Variants in BMAL2 observed in about 807,000 individuals in gnomAD.
BMAL2 encodes basic helix-loop-helix ARNT-like protein 2.
chr12:27,411,322 TAACAC>T, the BMAL2 span, among the ~76,000 whole-genome samples: 4 of 151,668 alleles, frequency 2.6e-5, no homozygotes, highest in African/African-American at 9.7e-5. Context: ...AAAAAAATAA[TAACAC>T]AATAAACGGC....
At chr12:27,371,022 C>T in the BMAL2 span, among the ~76,000 whole-genome samples, 21 of 152,228 alleles carry the variant, frequency 1.4e-4, no homozygotes, top group Middle Eastern at 3.4e-3. Flanking sequence ...CACAAAGGTA[C>T]GAGAAACTTG....
chr12:27,399,099 G>T, the BMAL2 span, among the ~76,000 whole-genome samples: 2 of 151,916 alleles, frequency 1.3e-5, no homozygotes, highest in Non-Finnish European at 2.9e-5. Flanking sequence ...GTAATTTAGG[G>T]CATCTGTGGC....
At chr12:27,333,048 C>A in the BMAL2 span, 1 of 1,197,882 alleles carries the variant, frequency 8.3e-7, no homozygotes, top group Non-Finnish European at 1.0e-6. Context: ...CGCGGGGCTG[C>A]GGAGCCGACC....
chr12:27,372,015 G>A, the BMAL2 span, among the ~76,000 whole-genome samples: 1 of 152,162 alleles, frequency 6.6e-6, no homozygotes, highest in Admixed American at 6.5e-5. Context: ...GACTGCCTGA[G>A]CTTAGGAGTT....
At chr12:27,345,485 T>G in the BMAL2 span, among the ~76,000 whole-genome samples, 7,280 of 152,218 alleles carry the variant, frequency 0.048, 579 homozygotes, top group African/African-American at 0.17. Flanking sequence ...GGATAATTTC[T>G]TTTTTTATTA....
chr12:27,347,940 T>G, the BMAL2 span, among the ~76,000 whole-genome samples: 1 of 152,200 alleles, frequency 6.6e-6, no homozygotes, highest in South Asian at 2.1e-4. Flanking sequence ...CCTGGGAGAT[T>G]CCCTGGCCCA....
chr12:27,380,377 G>A, the BMAL2 span: 1 of 1,614,122 alleles, frequency 6.2e-7, no homozygotes, highest in South Asian at 1.1e-5. Context: ...TTTAAGAATG[G>A]CTGTTCAACA....
At chr12:27,372,928 C>T in the BMAL2 span, among the ~76,000 whole-genome samples, 1 of 152,194 alleles carries the variant, frequency 6.6e-6, no homozygotes, top group African/African-American at 2.4e-5. Context: ...CCACCTCGGC[C>T]TCCCAAAGTG....
chr12:27,411,367 C>T, the BMAL2 span, among the ~76,000 whole-genome samples: 1 of 151,962 alleles, frequency 6.6e-6, no homozygotes, highest in Admixed American at 6.6e-5. Flanking sequence ...TTGTAATCCC[C>T]AGCACTTTGG....
At chr12:27,416,030 A>G in the BMAL2 span, 1 of 988,834 alleles carries the variant, frequency 1.0e-6, no homozygotes, top group Non-Finnish European at 1.5e-6. Context: ...TTTTAAGAAA[A>G]GAAGCCATTC....
chr12:27,338,068 T>C, the BMAL2 span, among the ~76,000 whole-genome samples: 2 of 152,326 alleles, frequency 1.3e-5, no homozygotes, highest in African/African-American at 4.8e-5. Context: ...CTTACTCAGC[T>C]TTATAATCTC....
At chr12:27,406,478 A>G in the BMAL2 span, among the ~76,000 whole-genome samples, 15 of 152,348 alleles carry the variant, frequency 9.8e-5, no homozygotes, top group East Asian at 1.9e-4. Flanking sequence ...CCAGAAGTTC[A>G]TATCCAGCCA....
chr12:27,352,408 A>C, the BMAL2 span, among the ~76,000 whole-genome samples: 1 of 152,222 alleles, frequency 6.6e-6, no homozygotes, highest in Non-Finnish European at 1.5e-5. Context: ...CATCGAAGGA[A>C]CATACCTCAA....
At chr12:27,390,089 A>G in the BMAL2 span, 5 of 1,613,526 alleles carry the variant, frequency 3.1e-6, no homozygotes, top group African/African-American at 1.3e-5. Flanking sequence ...CCCCTTCTGC[A>G]CGAAAGCTGG....
the BMAL2 span, among the ~76,000 whole-genome samples, chr12:27,409,442 A>G: frequency 2.0e-5 from 3 of 152,238 alleles, no homozygotes; most frequent in Non-Finnish European, 2.9e-5. Context: ...ATAATGCCAC[A>G]TATCTACAAC....
chr12:27,334,247 T>G, the BMAL2 span, among the ~76,000 whole-genome samples: 1 of 152,218 alleles, frequency 6.6e-6, no homozygotes, highest in Admixed American at 6.5e-5. Context: ...CTGCTCCGTC[T>G]TGTGACTGAG....
the BMAL2 span, chr12:27,385,497 T>C: frequency 6.2e-7 from 1 of 1,606,890 alleles, no homozygotes; most frequent in Non-Finnish European, 8.5e-7. Context: ...CAAATTCTTA[T>C]GTGGGAAGTA....
the BMAL2 span, chr12:27,390,019 A>G: frequency 6.5e-7 from 1 of 1,533,862 alleles, no homozygotes; most frequent in Non-Finnish European, 9.0e-7. Flanking sequence ...ATGGTCAGAA[A>G]ATGTTAGGAG....
the BMAL2 span, chr12:27,401,260 A>G: frequency 1.9e-6 from 3 of 1,613,598 alleles, no homozygotes; most frequent in Admixed American, 5.0e-5. Context: ...AAACCAGGGC[A>G]ACAGCGATTT....
Sources: allele counts gnomAD v4.1 joint callset (sites outside exome capture counted in the v4.1 genomes callset), GRCh38; gene constraint gnomAD v4.1.1; transcripts MANE v1.5; gene names NCBI Gene and HGNC (gene_info 2026-07-23, HGNC 2026-07-21).